Variants in KIAA0319 observed in about 807,000 individuals in gnomAD.
KIAA0319 encodes KIAA0319.
A neutral mutation model predicts 108.4 loss-of-function variants in KIAA0319; 83 were observed. The ratio of observed to expected loss-of-function variants is 0.77; its 90% CI spans 0.64 to 0.92. The LOEUF (loss-of-function observed/expected upper bound fraction) is 0.92, where lower values mean the gene tolerates loss of function less well. Ranked by LOEUF, KIAA0319 falls within the 40% of genes least tolerant of loss-of-function variation. KIAA0319 has a pLI of 0.00. For missense variants in KIAA0319, 1,195 were observed against 1,322.4 expected, an observed-to-expected ratio of 0.90 and a Z score of 1.49; for synonymous variants, 484 against 510.4, an observed-to-expected ratio of 0.95 and a Z score of 0.70.
chr6:24,567,596 G>C (rs530045348), intron 13 of KIAA0319, among the ~76,000 whole-genome samples: 1 of 152,274 alleles, frequency 6.6e-6, no homozygotes, highest in East Asian at 1.9e-4. Flanking sequence ...AGCTACTCAG[G>C]AAGCTGAGGT....
intron 4 of KIAA0319, among the ~76,000 whole-genome samples, chr6:24,585,726 G>A (rs896420480): frequency 1.3e-5 from 2 of 152,074 alleles, no homozygotes; most frequent in African/African-American, 4.8e-5. Flanking sequence ...CAGTTGTCAT[G>A]CCTTTCTGGA....
rs1767921951 is a variant in KIAA0319 at position 24,588,587 on chromosome 6, A to C, written c.994+6T>G. 2 of 1,606,212 alleles carry C rather than the reference A, an allele frequency of 1.2e-6. No individual in the cohort carries two copies. The highest frequency in any genetic ancestry group is 1.7e-6 in the Non-Finnish European group (2 of 1,175,048). ...ATTTCTTGAAATTGTATTTTTTAAA[A>C]GTTACCTGTCCTGGGAGCAGTGGTA... On this transcript the variant is annotated splice_donor_region_variant and intron_variant, in intron 4 of 20. Coordinates refer to ENST00000378214, the MANE Select transcript of KIAA0319 (RefSeq NM_014809.4).
At chr6:24,641,327 T>C (rs1315128209) in intron 1 of KIAA0319, among the ~76,000 whole-genome samples, 1 of 152,232 alleles carries the variant, frequency 6.6e-6, no homozygotes, top group African/African-American at 2.4e-5. Context: ...ACATTTAAAA[T>C]TTATAACCAG....
chr6:24,613,195 C>G (rs983156314), intron 1 of KIAA0319, among the ~76,000 whole-genome samples: 1 of 152,042 alleles, frequency 6.6e-6, no homozygotes, highest in Non-Finnish European at 1.5e-5. Flanking sequence ...TTAAGAGCTT[C>G]GAGTGAGTAA....
In KIAA0319 at chr6:24,546,800, G is replaced by A; in HGVS notation, c.*365C>T. ...CTGTTCCTTAGAGGCAATCACAGCA[G>A]CTAAGACAGAAATCATCCCTTTTTA... On this transcript the variant is annotated 3_prime_UTR_variant, in exon 21 of 21. Coordinates refer to ENST00000378214, the MANE Select transcript of KIAA0319 (RefSeq NM_014809.4). 5.2e-6 allele frequency: 1 copy of A among 194,052 alleles called. No homozygotes were observed. The highest frequency in any genetic ancestry group is 1.1e-5 in the Non-Finnish European group (1 of 92,684). 12.0% of individuals were successfully genotyped at this position (194,052 alleles called of 1,614,324 possible).
intron 5 of KIAA0319, chr6:24,583,201 G>A: frequency 1.0e-6 from 1 of 988,708 alleles, no homozygotes; most frequent in Non-Finnish European, 1.2e-6. Flanking sequence ...GAACCTGAGA[G>A]CCGTGATTGT....
At chr6:24,607,672 C>G (rs971073219) in intron 1 of KIAA0319, among the ~76,000 whole-genome samples, 1 of 152,098 alleles carries the variant, frequency 6.6e-6, no homozygotes, top group Non-Finnish European at 1.5e-5. Context: ...ATTTTCTCTT[C>G]AACTAAATTG....
Position 24,582,366 on chromosome 6 carries a change from A to G in KIAA0319, c.1094-20T>C. On this transcript the variant is annotated intron_variant, in intron 5 of 20. Transcript: ENST00000378214. ...TTGTTTCTGAGAGCAAAAAATAAAT[A>G]TGAGTAGTTATAAATTCTGAGAGGA... The G allele has an allele frequency of 7.0e-7, 1 of 1,425,344 alleles. No homozygotes were observed. Among genetic ancestry groups the G allele is most frequent in the Non-Finnish European group, 9.9e-7 (1 of 1,009,060 alleles). 88.3% of individuals were successfully genotyped at this position (1,425,344 alleles called of 1,614,324 possible).
At chr6:24,574,737 C>A (rs1480281529) in intron 10 of KIAA0319, among the ~76,000 whole-genome samples, 1 of 152,038 alleles carries the variant, frequency 6.6e-6, no homozygotes, top group African/African-American at 2.4e-5. Flanking sequence ...AAAATTGTTA[C>A]AAGATCCATT....
intron 7 of KIAA0319, among the ~76,000 whole-genome samples, chr6:24,580,491 C>T (rs986240183): frequency 2.6e-5 from 4 of 152,178 alleles, no homozygotes; most frequent in Non-Finnish European, 5.9e-5. Context: ...GGGCTGTGCC[C>T]ACCCAGCCCA....
At chr6:24,623,156 G>A (rs1774209040) in intron 1 of KIAA0319, among the ~76,000 whole-genome samples, 3 of 152,128 alleles carry the variant, frequency 2.0e-5, no homozygotes, top group African/African-American at 4.8e-5. Flanking sequence ...CCTGTTCTAC[G>A]TGGCTGAAGG....
intron 4 of KIAA0319, among the ~76,000 whole-genome samples, chr6:24,586,263 A>G (rs1490634741): frequency 1.3e-5 from 2 of 152,192 alleles, no homozygotes; most frequent in African/African-American, 4.8e-5. Flanking sequence ...AGAATATGCC[A>G]TTGCAACTAT....
intron 17 of KIAA0319, among the ~76,000 whole-genome samples, chr6:24,558,639 T>A (rs1035631318): frequency 3.3e-5 from 5 of 152,210 alleles, no homozygotes; most frequent in African/African-American, 1.2e-4. Flanking sequence ...CTGTCTTAAA[T>A]TTTCAAGGAG....
At chr6:24,557,010 TCC>T (rs1762393866) in intron 17 of KIAA0319, among the ~76,000 whole-genome samples, 1 of 152,146 alleles carries the variant, frequency 6.6e-6, no homozygotes, top group South Asian at 2.1e-4. Flanking sequence ...ATCCAGACCA[TCC>T]TGACCAACAT....
chr6:24,576,579 G>C lies in KIAA0319; in HGVS notation c.1523C>G (p.Ser508Trp). The C allele has an allele frequency of 6.2e-7, 1 of 1,613,902 alleles. No homozygotes were observed. Among genetic ancestry groups the C allele is most frequent in the Non-Finnish European group, 8.5e-7 (1 of 1,179,880 alleles). Residue 508 changes from serine (S) to tryptophan (W), a missense_variant, in exon 10 of 21, where the codon TCG (serine) becomes TGG (tryptophan). Physicochemically the swap from Ser to Trp is radical, Grantham distance 177. Coordinates refer to ENST00000378214, the MANE Select transcript of KIAA0319 (RefSeq NM_014809.4). ...NYSFRLTVTD[S>W]DGATNSTTAA... ...AGTTGTAGAGTTAGTGGCTCCGTCCGAGTCTGTAACAGTCAACCTACAAAA... is the reference window on the plus strand; with the variant it reads ...AGTTGTAGAGTTAGTGGCTCCGTCCCAGTCTGTAACAGTCAACCTACAAAA...
At chr6:24,553,539 G>A (rs549346901) in intron 19 of KIAA0319, among the ~76,000 whole-genome samples, 20 of 151,558 alleles carry the variant, frequency 1.3e-4, no homozygotes, top group South Asian at 2.1e-4. Flanking sequence ...TTTCTGTCTC[G>A]GAGCTGGCTA....
chr6:24,582,979 G>T, intron 5 of KIAA0319: 1 of 659,302 alleles, frequency 1.5e-6, no homozygotes, highest in Non-Finnish European at 1.9e-6. Flanking sequence ...ATAAAATTTT[G>T]ACCAATATGT....
intron 19 of KIAA0319, among the ~76,000 whole-genome samples, chr6:24,553,323 A>G (rs1231052268): frequency 2.6e-5 from 3 of 116,036 alleles, no homozygotes; most frequent in African/African-American, 7.6e-5. Flanking sequence ...ACACACACAC[A>G]CACACACACA....
chr6:24,569,851 A>C, intron 12 of KIAA0319, 52 bp downstream of exon 12: 1 of 1,590,032 alleles, frequency 6.3e-7, no homozygotes, highest in Non-Finnish European at 8.6e-7. Flanking sequence ...AGAAGGGATA[A>C]TATTAGCATT....
Sources: gnomAD v4.1 joint callset for allele counts (sites outside exome capture counted in the v4.1 genomes callset) on GRCh38, gnomAD v4.1.1 for gene constraint, MANE v1.5 for transcripts, NCBI Gene and HGNC (gene_info 2026-07-23, HGNC 2026-07-21) for gene names.